SFXN4: variants seen among roughly 807,000 people sequenced by gnomAD.
SFXN4 encodes sideroflexin-4.
Under a neutral mutation model 54.6 loss-of-function variants are expected in SFXN4, and 48 were observed. The observed-to-expected ratio is 0.88, with a 90% CI of 0.70 to 1.12. The LOEUF (loss-of-function observed/expected upper bound fraction) is 1.12, where lower values mean the gene tolerates loss of function less well. Among genes scored for constraint, SFXN4 ranks in the 50% most tolerant of loss-of-function variants. The pLI, the probability that SFXN4 is intolerant of heterozygous loss-of-function variation, is 0.00. For synonymous variants in SFXN4, 130 were observed against 145.5 expected, an observed-to-expected ratio of 0.89 and a Z score of 0.77; for missense variants, 383 against 409.2, an observed-to-expected ratio of 0.94 and a Z score of 0.55.
chr10:119,154,463 G>A (rs567095251), intron 11 of SFXN4, among the ~76,000 whole-genome samples: 256 of 152,258 alleles, frequency 1.7e-3, no homozygotes, highest in Non-Finnish European at 2.7e-3. Flanking sequence ...ACGGTGGGAG[G>A]ATCACTTGAA....
chr10:119,165,002 C>T (rs1847708996), intron 1 of SFXN4, among the ~76,000 whole-genome samples: 1 of 128,532 alleles, frequency 7.8e-6, no homozygotes, highest in African/African-American at 3.0e-5. Context: ...GCTAAATGTA[C>T]TGTATTGTTA....
chr10:119,165,418 G>A (rs146919067), intron 1 of SFXN4, 119 bp downstream of exon 1: 3 of 1,339,882 alleles, frequency 2.2e-6, no homozygotes, highest in Admixed American at 4.2e-5. Context: ...ACTCCGAGAG[G>A]AGGAAACGGA....
At chr10:119,155,991 C>T (rs559858681) in intron 10 of SFXN4, among the ~76,000 whole-genome samples, 14 of 152,170 alleles carry the variant, frequency 9.2e-5, no homozygotes, top group Non-Finnish European at 1.5e-4. Flanking sequence ...CATTTGCTTG[C>T]TGTGTAACTC....
intron 12 of SFXN4, among the ~76,000 whole-genome samples, 191 bp from the exon 13 acceptor site, chr10:119,146,544 G>T (rs1378649148): frequency 6.6e-6 from 1 of 151,628 alleles, no homozygotes; most frequent in Non-Finnish European, 1.5e-5. Flanking sequence ...ATCAAGGCCT[G>T]TTTTTTTGTT....
chr10:119,142,196 T>C (rs1048674880), intron 13 of SFXN4, among the ~76,000 whole-genome samples: 1 of 152,094 alleles, frequency 6.6e-6, no homozygotes, highest in African/African-American at 2.4e-5. Context: ...TGAGAAACCC[T>C]GTCTCAAACA....
rs1250015083 is a variant in SFXN4, at chr10:119,152,277, TTTTG to T, written c.732+2781_732+2784del. ...AAGCGCAAATGCAGTCCCAGGTGGT[TTTTG>T]TTTGTTTGTTATTTTTGAGATGGGG... On this transcript the variant is annotated intron_variant, in intron 11 of 13. Coordinates refer to ENST00000355697, the MANE Select transcript of SFXN4 (RefSeq NM_213649.2). 2.7e-5 allele frequency among the ~76,000 whole-genome samples: 4 copies of T among 150,842 alleles called. No individual in the cohort carries two copies. In the East Asian group the frequency reaches 8.0e-4, roughly 30 times the overall value.
chr10:119,157,582 T>C (rs1847323460), intron 9 of SFXN4, 86 bp downstream of exon 9: 1 of 1,095,966 alleles, frequency 9.1e-7, no homozygotes, highest in Non-Finnish European at 1.3e-6. Flanking sequence ...TTGTTTAAAT[T>C]GGAACATAAA....
chr10:119,162,358 AG>A lies in SFXN4; in HGVS notation c.233del (p.Pro78LeufsTer26), dbSNP rs398124642. ...AACATACCCTTTGGTCCGCCGAGGC[AG>A]GGCTGGAAACATCTTCATTTGTGCA... ...LLCTNEDVSS[P>X]ASADQRIQEA... On this transcript the variant is annotated frameshift_variant, in exon 3 of 14. Coordinates refer to ENST00000355697, the MANE Select transcript of SFXN4 (RefSeq NM_213649.2). LOFTEE classifies it high-confidence loss of function. 3 of 1,614,158 alleles carry A rather than the reference AG, an allele frequency of 1.9e-6. No homozygotes were observed. The highest frequency in any genetic ancestry group is 2.5e-6 in the Non-Finnish European group (3 of 1,180,022).
chr10:119,147,703 G>T (rs1846876934), intron 12 of SFXN4, 72 bp downstream of exon 12: 2 of 1,306,386 alleles, frequency 1.5e-6, no homozygotes, highest in Non-Finnish European at 1.1e-6. Context: ...CTCCACCAGG[G>T]TCAGTATCTG....
chr10:119,145,818 T>C (rs1402957493), intron 13 of SFXN4, among the ~76,000 whole-genome samples: 1 of 152,124 alleles, frequency 6.6e-6, no homozygotes, highest in Non-Finnish European at 1.5e-5. Flanking sequence ...GCCAATTGTA[T>C]TTTGTTTTAT....
At chr10:119,144,018 G>A (rs1015504748) in intron 13 of SFXN4, among the ~76,000 whole-genome samples, 13 of 152,128 alleles carry the variant, frequency 8.5e-5, no homozygotes, top group African/African-American at 3.1e-4. Context: ...ACGTTGTGCT[G>A]GCAAAGTTGC....
rs924013750 is a variant in SFXN4 at position 119,162,182 on chromosome 10, C to G, written c.252+158G>C. The G allele has an allele frequency of 4.7e-5, 30 of 633,504 alleles. 1 individual carries two copies. The highest frequency in any genetic ancestry group is 8.5e-6 in the Non-Finnish European group (3 of 354,788). 39.2% of individuals were successfully genotyped at this position (633,504 alleles called of 1,614,324 possible). On this transcript the variant is annotated intron_variant, in intron 3 of 13. Coordinates refer to ENST00000355697, the MANE Select transcript of SFXN4 (RefSeq NM_213649.2). ...TCCTCTGGGCAGTATATAACAATGA[C>G]AGCATTAATAGCCAATAGAACAGTG...
chr10:119,158,897 C>T (rs1847392988), intron 6 of SFXN4, among the ~76,000 whole-genome samples: 1 of 152,030 alleles, frequency 6.6e-6, no homozygotes, highest in Non-Finnish European at 1.5e-5. Context: ...GTAAGGGGAT[C>T]CACTGAGCCT....
intron 13 of SFXN4, among the ~76,000 whole-genome samples, chr10:119,142,555 TTTTTTTTTTA>T (rs1846578148): frequency 6.9e-6 from 1 of 143,908 alleles, no homozygotes; most frequent in Non-Finnish European, 1.5e-5. Flanking sequence ...TCTTTTTTTT[TTTTTTTTTTA>T]AATGAGATGG....
intron 12 of SFXN4, 75 bp from the exon 13 acceptor site, chr10:119,146,428 C>T (rs1440066401): frequency 4.5e-5 from 25 of 559,532 alleles, no homozygotes; most frequent in Admixed American, 1.1e-4. Context: ...TGAATCAGGG[C>T]GTGTGTGTGT....
At chr10:119,160,105 G>A (rs1847459521) in intron 5 of SFXN4, among the ~76,000 whole-genome samples, 2 of 152,078 alleles carry the variant, frequency 1.3e-5, no homozygotes, top group Non-Finnish European at 2.9e-5. Context: ...GCTGAGCCTG[G>A]GAGTTGGAGG....
rs760694243 is a variant in SFXN4, at chr10:119,165,649, T to C, written c.-2A>G. ...TTCCTCCTCCTGTTCCAGGGACATT[T>C]TGCGCTGGTTAGAGTGGCCGCCGCC... On this transcript the variant is annotated 5_prime_UTR_variant, in exon 1 of 14. Coordinates refer to ENST00000355697, the MANE Select transcript of SFXN4 (RefSeq NM_213649.2). The C allele has an allele frequency of 6.3e-7, 1 of 1,580,584 alleles. No homozygotes were observed. The highest frequency in any genetic ancestry group is 8.6e-7 in the Non-Finnish European group (1 of 1,166,828).
intron 13 of SFXN4, among the ~76,000 whole-genome samples, chr10:119,143,484 T>TA (rs1225165845): frequency 1.3e-5 from 2 of 152,032 alleles, no homozygotes; most frequent in African/African-American, 4.8e-5. Flanking sequence ...TACAGGCACA[T>TA]ACCACCATGC....
chr10:119,157,034 A>G (rs995054881), intron 9 of SFXN4, among the ~76,000 whole-genome samples: 1 of 152,184 alleles, frequency 6.6e-6, no homozygotes, highest in Non-Finnish European at 1.5e-5. Flanking sequence ...TGATGCCAAC[A>G]TCTCCCCATC....
Sources: allele counts gnomAD v4.1 joint callset (sites outside exome capture counted in the v4.1 genomes callset), GRCh38; gene constraint gnomAD v4.1.1; transcripts MANE v1.5; gene names NCBI Gene and HGNC (gene_info 2026-07-23, HGNC 2026-07-21).